Variants in ZNF705A observed in about 807,000 individuals in gnomAD.
ZNF705A encodes the protein zinc finger protein 705A.
In ZNF705A, 8 loss-of-function variants were observed where a neutral mutation model predicts 16.6. The ratio of observed to expected loss-of-function variants is 0.48; its 90% CI spans 0.28 to 0.87. ZNF705A has a LOEUF of 0.87. Among genes scored for constraint, ZNF705A ranks in the 40% least tolerant of loss-of-function variants. The pLI is 0.10. For missense variants in ZNF705A, 233 were observed against 359.9 expected (o/e 0.65, Z 2.85); for synonymous variants, 73 against 117.3 (o/e 0.62, Z 2.44).
At chr12:8,162,386 C>G (rs1948363143) in intron 1 of ZNF705A, among the ~76,000 whole-genome samples, 2 of 152,120 alleles carry the variant, frequency 1.3e-5, no homozygotes, top group Non-Finnish European at 2.9e-5. Context: ...CCACACCTTT[C>G]AGAAAATTTG....
upstream of ZNF705A, among the ~76,000 whole-genome samples, chr12:8,169,708 T>C (rs1334706627): frequency 6.6e-6 from 1 of 152,256 alleles, no homozygotes; most frequent in Non-Finnish European, 1.5e-5. Context: ...TGAAGATCTG[T>C]TGGAGAACAT....
chr12:8,177,827 A>C, exon 5 of ZNF705A: 1 of 650,938 alleles, frequency 1.5e-6, no homozygotes, highest in Non-Finnish European at 2.6e-6. Flanking sequence ...TATTTTGAAG[A>C]AATACTGGAA....
chr12:8,157,880 T>C (rs939195018), intron 1 of ZNF705A, among the ~76,000 whole-genome samples: 7 of 152,138 alleles, frequency 4.6e-5, no homozygotes, highest in African/African-American at 1.7e-4. Flanking sequence ...CAAATACTCT[T>C]GGCTGTTAGC....
At chr12:8,165,349 C>A (rs1349112914) in intron 1 of ZNF705A, among the ~76,000 whole-genome samples, 1 of 132,342 alleles carries the variant, frequency 7.6e-6, no homozygotes, top group Non-Finnish European at 1.5e-5. Flanking sequence ...GTGGCGTGAT[C>A]TCGGCTCACT....
chr12:8,173,221 G>A (rs1026615050), intron 1 of ZNF705A, among the ~76,000 whole-genome samples: 3 of 152,204 alleles, frequency 2.0e-5, no homozygotes, highest in African/African-American at 7.2e-5. Flanking sequence ...TAAAAACTTT[G>A]TGAAAGGACA....
At chr12:8,174,296 G>A (rs1033227030) in intron 1 of ZNF705A, 30 bp from the exon 3 acceptor site, 1 of 1,595,050 alleles carries the variant, frequency 6.3e-7, no homozygotes, top group African/African-American at 1.3e-5. Flanking sequence ...GGATTTCTCT[G>A]TCTAAACTAA....
intron 1 of ZNF705A, among the ~76,000 whole-genome samples, chr12:8,159,080 G>T (rs1321894829): frequency 1.3e-5 from 2 of 152,014 alleles, no homozygotes; most frequent in African/African-American, 4.8e-5. Context: ...TTCCATTCCT[G>T]AGTTGCTTCA....
Position 8,163,247 on chromosome 12 carries a change from C to T in ZNF705A, c.-72+6155C>T, listed in dbSNP as rs147255679. Among the ~76,000 whole-genome samples the T allele has an allele frequency of 6.2e-4, 95 of 152,290 alleles. 1 individual carries two copies. The East Asian group carries it at 0.018, about 29-fold the overall frequency. ...TAGATCAGGGGATTCTCAATCATTA[C>T]TATGCAGAAAATCAACTGGGAGGGT... is the stretch of plus-strand genomic sequence containing the variant. On this transcript the variant is annotated intron_variant, in intron 1 of 5. Transcript: ENST00000396570.
At chr12:8,163,733 C>T (rs1422869251) in intron 1 of ZNF705A, among the ~76,000 whole-genome samples, 1 of 152,214 alleles carries the variant, frequency 6.6e-6, no homozygotes, top group Non-Finnish European at 1.5e-5. Context: ...ATTAGGGACG[C>T]AGGCCCCTTC....
intron 1 of ZNF705A, among the ~76,000 whole-genome samples, chr12:8,167,079 A>G (rs979017760): frequency 6.6e-6 from 1 of 152,164 alleles, no homozygotes; most frequent in African/African-American, 2.4e-5. Context: ...ATTTTTTTAC[A>G]TCATGATGAA....
upstream of ZNF705A, among the ~76,000 whole-genome samples, chr12:8,169,993 C>T (rs192163071): frequency 5.5e-4 from 84 of 152,180 alleles, no homozygotes; most frequent in African/African-American, 2.0e-3. Context: ...AGTTCCAGAC[C>T]AGCCCTACCA....
chr12:8,176,148 A>G (rs1948483052), intron 4 of ZNF705A, among the ~76,000 whole-genome samples: 1 of 152,252 alleles, frequency 6.6e-6, no homozygotes, highest in Non-Finnish European at 1.5e-5. Flanking sequence ...GAACAAGTGC[A>G]TATACATTGC....
chr12:8,157,276 C>G (rs1948317334), intron 1 of ZNF705A, among the ~76,000 whole-genome samples, 184 bp downstream of exon 1: 1 of 152,064 alleles, frequency 6.6e-6, no homozygotes. Flanking sequence ...ATGAAATAGG[C>G]AAAAGAATCA....
intron 3 of ZNF705A, 65 bp from the exon 5 acceptor site, chr12:8,175,795 G>A (rs1591625860): frequency 1.2e-6 from 2 of 1,605,818 alleles, no homozygotes; most frequent in Non-Finnish European, 1.7e-6. Flanking sequence ...AATGGGCCTT[G>A]GGGCTTTTCA....
chr12:8,166,239 A>T (rs1287157179), intron 1 of ZNF705A, among the ~76,000 whole-genome samples: 2 of 152,220 alleles, frequency 1.3e-5, no homozygotes, highest in Non-Finnish European at 2.9e-5. Context: ...GACATTCGCC[A>T]TGAAGTCTCC....
chr12:8,179,427 G>A (rs936428415), exon 5 of ZNF705A: 4 of 152,204 alleles, frequency 2.6e-5, no homozygotes, highest in African/African-American at 9.7e-5. Context: ...CCTCTGCCTT[G>A]TCCTCAGAAT....
At chr12:8,169,451 G>T (rs1474400510), upstream of ZNF705A, among the ~76,000 whole-genome samples, 1 of 152,242 alleles carries the variant, frequency 6.6e-6, no homozygotes, top group Middle Eastern at 3.4e-3. Flanking sequence ...ATATATATTC[G>T]TTTTGGTTTC....
chr12:8,177,090 C>T (rs1948490481), exon 5 of ZNF705A: 1 of 1,611,874 alleles, frequency 6.2e-7, no homozygotes, highest in Non-Finnish European at 8.5e-7. Flanking sequence ...CGTTTGTTAA[C>T]TCACAGTGGA....
At chr12:8,160,783 T>C (rs1210516714) in intron 1 of ZNF705A, among the ~76,000 whole-genome samples, 1 of 152,182 alleles carries the variant, frequency 6.6e-6, no homozygotes, top group African/African-American at 2.4e-5. Context: ...CGGTGACAGC[T>C]GACTTCCTCT....
Sources: gnomAD v4.1 joint callset for allele counts (sites outside exome capture counted in the v4.1 genomes callset) on GRCh38, gnomAD v4.1.1 for gene constraint, MANE v1.5 for transcripts, NCBI Gene and HGNC (gene_info 2026-07-23, HGNC 2026-07-21) for gene names.